B3GALT1: variants seen among roughly 807,000 people sequenced by gnomAD.
B3GALT1 encodes UDP-Gal:betaGlcNAc beta 1,3-galactosyltransferase, polypeptide 1.
In B3GALT1, 10 loss-of-function variants were observed where a neutral mutation model predicts 23.2. The ratio of observed to expected loss-of-function variants is 0.43; its 90% CI spans 0.27 to 0.73. The LOEUF (loss-of-function observed/expected upper bound fraction) is 0.73. B3GALT1 is among the 30% of genes least tolerant of loss of function. B3GALT1 has a pLI of 0.21. For synonymous variants in B3GALT1, 156 were observed against 141.5 expected (o/e 1.10, Z -0.73); for missense variants, 299 against 405.4 (o/e 0.74, Z 2.25).
At chr2:167,837,828 T>A (rs1199703897) in intron 4 of B3GALT1, among the ~76,000 whole-genome samples, 1 of 151,744 alleles carries the variant, frequency 6.6e-6, no homozygotes, top group African/African-American at 2.4e-5. Context: ...ACAAACTCTC[T>A]CTCAGACCAC....
chr2:167,297,473 G>A (rs1320577093), intron 1 of B3GALT1, among the ~76,000 whole-genome samples: 1 of 151,594 alleles, frequency 6.6e-6, no homozygotes, highest in Non-Finnish European at 1.5e-5. Context: ...CTCATGATCT[G>A]ATCATCTAGT....
intron 1 of B3GALT1, among the ~76,000 whole-genome samples, chr2:167,369,484 G>A (rs759776972): frequency 2.4e-4 from 37 of 152,280 alleles, no homozygotes; most frequent in Non-Finnish European, 3.7e-4. Flanking sequence ...AACAGATAAG[G>A]TTAAAGTTTG....
chr2:167,559,472 T>G (rs1276413375), intron 2 of B3GALT1, among the ~76,000 whole-genome samples: 1 of 151,928 alleles, frequency 6.6e-6, no homozygotes. Flanking sequence ...CTTTGACGAG[T>G]TGAGAGAAGA....
intron 2 of B3GALT1, among the ~76,000 whole-genome samples, chr2:167,515,784 A>G (rs1307161601): frequency 1.3e-5 from 2 of 152,144 alleles, no homozygotes; most frequent in African/African-American, 2.4e-5. Flanking sequence ...TCTTCAGAAC[A>G]TATTTACCTA....
intron 3 of B3GALT1, among the ~76,000 whole-genome samples, chr2:167,654,495 C>T (rs1033110878): frequency 6.6e-6 from 1 of 151,702 alleles, no homozygotes; most frequent in Admixed American, 6.6e-5. Flanking sequence ...TTTTTGTTTT[C>T]TCTCTCTCTC....
In B3GALT1 at chr2:167,376,373, GA is replaced by G. The variant is rs769310307; in HGVS notation, c.-511+83040del. On this transcript the variant is annotated intron_variant, in intron 1 of 4. Transcript: ENST00000392690. The stretch of plus-strand genomic sequence containing the variant: ...TGCTGGCTTTGTAGAATAAGTTAGG[GA>G]GGAGTCCCTTCTCAATGTTTTGGAA... Among the ~76,000 whole-genome samples, 5 of 152,164 alleles carry G rather than the reference GA, an allele frequency of 3.3e-5. No homozygotes were observed. The South Asian group carries it at 1.0e-3, about 32-fold the overall frequency.
At position 167,840,157 on chromosome 2, in the gene B3GALT1, A is replaced by G. The variant is rs1188623192; in HGVS notation, c.-230+21364A>G. On this transcript the variant is annotated intron_variant, in intron 4 of 4. Coordinates refer to ENST00000392690, the MANE Select transcript of B3GALT1 (RefSeq NM_020981.4). ...GTCTAAAACACCAAAAGCAATGGCAACAAAAGCCAAAATTGACAAATGGGA... is the reference window on the plus strand; with the variant it reads ...GTCTAAAACACCAAAAGCAATGGCAGCAAAAGCCAAAATTGACAAATGGGA... Among the ~76,000 whole-genome samples, 7 of 152,272 alleles carry G rather than the reference A, an allele frequency of 4.6e-5. No homozygotes were observed. The South Asian group carries it at 1.4e-3, about 32-fold the overall frequency.
chr2:167,869,678 T>G lies in B3GALT1; in HGVS notation c.639T>G (p.Ile213Met), dbSNP rs1690304034. 1 of 1,613,990 alleles carries G rather than the reference T, an allele frequency of 6.2e-7. No homozygotes were observed. The highest frequency in any genetic ancestry group is 8.5e-7 in the Non-Finnish European group (1 of 1,180,016). The change falls in exon 5 of 5, where the codon ATT becomes ATG. Residue 213 changes from isoleucine (I) to methionine (M), a missense_variant. Ile to Met is a conservative substitution (Grantham distance 10). Around this residue, in one of 3 missense-constraint regions of B3GALT1, gnomAD observed 133 missense variants for 204.8 expected, o/e 0.65. Transcript: ENST00000392690. This position sits in a 1 kb window ranked among gnomAD's most constrained non-coding sequence, Gnocchi z 6.4. ...FTGYVINGGP[I>M]RDVRSKWYMP... ...GCTATGTCATTAATGGAGGACCGAT[T>G]CGGGATGTCCGCAGTAAGTGGTATA...
In B3GALT1 at chr2:167,870,007, A is replaced by G. The variant is rs1281304505; in HGVS notation, c.968A>G (p.His323Arg). ...TGGAATGACATGTCAAGCAAGAAAC[A>G]TCTCAGATGTTAGGATTTTTACCAA... ...RIWNDMSSKK[H>R]LRC is the part of the protein sequence containing the mutation. The change falls in exon 5 of 5, where the codon CAT becomes CGT. Residue 323 changes from histidine to arginine, a missense_variant. By Grantham distance (29) the His-to-Arg change is conservative. Transcript: ENST00000392690. The G allele has an allele frequency of 6.3e-7, 1 of 1,595,368 alleles. No individual in the cohort carries two copies. Among genetic ancestry groups the G allele is most frequent in the Non-Finnish European group, 8.6e-7 (1 of 1,167,540 alleles).
chr2:167,326,204 C>G lies in B3GALT1; in HGVS notation c.-511+32870C>G, dbSNP rs904830500. ...AGTGATGTTGAGTTTTTTTTTTTTT[C>G]AGTATACTTGCTGGCCATTCATATG... On this transcript the variant is annotated intron_variant, in intron 1 of 4. Transcript: ENST00000392690. Among the ~76,000 whole-genome samples the G allele has an allele frequency of 2.5e-5, 3 of 122,184 alleles. No homozygotes were observed. The Admixed American group carries it at 2.5e-4, about 10-fold the overall frequency. The allele number at this position is 122,184 out of a possible 152,430, so 80.2% of individuals were successfully genotyped here.
intron 3 of B3GALT1, among the ~76,000 whole-genome samples, chr2:167,690,104 G>T (rs995833586): frequency 6.6e-5 from 10 of 151,986 alleles, no homozygotes; most frequent in African/African-American, 1.9e-4. Flanking sequence ...TTTGGAAATA[G>T]TCCAAACCAT....
Position 167,842,652 on chromosome 2 carries a change from T to TC in B3GALT1, c.-230+23860dup, listed in dbSNP as rs563473686. On this transcript the variant is annotated intron_variant, in intron 4 of 4. Coordinates refer to ENST00000392690, the MANE Select transcript of B3GALT1 (RefSeq NM_020981.4). Reference sequence around the variant, plus strand: ...ACTTTGAGAGGCTGAGGCAGGAGGATCACTTGAGCTCAGGAATTTGAGACC... The same window carrying TC: ...ACTTTGAGAGGCTGAGGCAGGAGGATCCACTTGAGCTCAGGAATTTGAGACC... Among the ~76,000 whole-genome samples the TC allele has an allele frequency of 2.3e-3, 351 of 152,226 alleles. 2 individuals are homozygous for TC. The highest frequency in any genetic ancestry group is 7.7e-3 in the African/African-American group (321 of 41,536).
At chr2:167,366,514 A>G (rs1329212691) in intron 1 of B3GALT1, among the ~76,000 whole-genome samples, 3 of 152,136 alleles carry the variant, frequency 2.0e-5, no homozygotes, top group East Asian at 1.9e-4. Context: ...ACATCTTCTG[A>G]TATCTATTGG....
At chr2:167,426,055 A>G (rs972787676) in intron 1 of B3GALT1, among the ~76,000 whole-genome samples, 1 of 152,186 alleles carries the variant, frequency 6.6e-6, no homozygotes, top group African/African-American at 2.4e-5. Flanking sequence ...CTTGAGAGAA[A>G]AATATCCTCC....
intron 1 of B3GALT1, among the ~76,000 whole-genome samples, chr2:167,373,348 A>T (rs1574053354): frequency 6.6e-6 from 1 of 152,130 alleles, no homozygotes; most frequent in African/African-American, 2.4e-5. Context: ...TAAGAACATA[A>T]TAAGTAAATT....
At chr2:167,522,257 T>C (rs1700201708) in intron 2 of B3GALT1, among the ~76,000 whole-genome samples, 1 of 151,906 alleles carries the variant, frequency 6.6e-6, no homozygotes, top group African/African-American at 2.4e-5. Flanking sequence ...AAAATTCTGT[T>C]AGGATTTTTT....
chr2:167,672,477 A>G (rs1315442371), intron 3 of B3GALT1, among the ~76,000 whole-genome samples: 1 of 152,100 alleles, frequency 6.6e-6, no homozygotes, highest in Admixed American at 6.5e-5. Context: ...ATGACTCAAC[A>G]TGAGACTCAA....
chr2:167,800,377 G>T (rs1336631069), intron 3 of B3GALT1, among the ~76,000 whole-genome samples: 2 of 152,084 alleles, frequency 1.3e-5, no homozygotes, highest in Non-Finnish European at 2.9e-5. Context: ...TTACCATTAA[G>T]TAAAATGTTT....
At chr2:167,551,724 C>T (rs973104084) in intron 2 of B3GALT1, among the ~76,000 whole-genome samples, 1 of 152,006 alleles carries the variant, frequency 6.6e-6, no homozygotes. Flanking sequence ...ACCACCCAGA[C>T]GAGGCACATT....
Sources: allele counts gnomAD v4.1 joint callset (sites outside exome capture counted in the v4.1 genomes callset), GRCh38; gene constraint gnomAD v4.1.1; regional missense constraint gnomAD v4.1.1; non-coding constraint Gnocchi (gnomAD v3.1); transcripts MANE v1.5; gene names NCBI Gene and HGNC (gene_info 2026-07-23, HGNC 2026-07-21).